The following TLK1 variants were observed in gnomAD, a reference collection of about 807,000 sequenced individuals.
TLK1 encodes the protein serine/threonine-protein kinase tousled-like 1.
In TLK1, 24 loss-of-function variants were observed where a neutral mutation model predicts 105.3. That is an observed-to-expected ratio of 0.23 (90% CI 0.17 to 0.32). The LOEUF (loss-of-function observed/expected upper bound fraction) is 0.32, where lower values mean the gene tolerates loss of function less well. Among genes scored for constraint, TLK1 ranks in the 10% least tolerant of loss-of-function variants. The pLI, the probability that TLK1 is intolerant of heterozygous loss-of-function variation, is 1.00. For synonymous variants in TLK1, 321 were observed against 310.4 expected, an observed-to-expected ratio of 1.03 and a Z score of -0.36; for missense variants, 558 against 910.5, an observed-to-expected ratio of 0.61 and a Z score of 4.98.
chr2:171,214,805 TG>T (rs1014191195), intron 1 of TLK1, among the ~76,000 whole-genome samples: 1 of 152,232 alleles, frequency 6.6e-6, no homozygotes, highest in African/African-American at 2.4e-5. Context: ...TTCTATACTT[TG>T]CTTCAACTCC....
chr2:171,227,079 T>C (rs573582396), intron 1 of TLK1, among the ~76,000 whole-genome samples: 127 of 152,294 alleles, frequency 8.3e-4, no homozygotes, highest in Non-Finnish European at 1.4e-3. Context: ...GCAGGGACTG[T>C]TTGTTTAATG....
chr2:171,010,706 C>T (rs757694038), intron 14 of TLK1, among the ~76,000 whole-genome samples: 2 of 150,258 alleles, frequency 1.3e-5, no homozygotes, highest in East Asian at 1.9e-4. Context: ...ATTTGAGAAA[C>T]GGACTTGACA....
At chr2:171,187,086 AAAAGAAAAAG>A in intron 1 of TLK1, among the ~76,000 whole-genome samples, 1 of 149,840 alleles carries the variant, frequency 6.7e-6, no homozygotes, top group Non-Finnish European at 1.5e-5. Flanking sequence ...AAAAAAAAGA[AAAAGAAAAAG>A]AAAAAGAAAA....
chr2:171,211,102 C>T lies in TLK1; in HGVS notation c.-6+20043G>A, dbSNP rs372200495. Reference sequence around the variant, plus strand: ...TTTGGTTGATTTCTCTGCTTCCTGCCCCATGTTACATTCTTAGATACTAAA... The same window carrying T: ...TTTGGTTGATTTCTCTGCTTCCTGCTCCATGTTACATTCTTAGATACTAAA... On this transcript the variant is annotated intron_variant, in intron 1 of 20. Transcript: ENST00000521943. Among the ~76,000 whole-genome samples the T allele has an allele frequency of 7.9e-5, 12 of 152,242 alleles. No individual in the cohort carries two copies. In the South Asian group the frequency reaches 2.3e-3, roughly 29 times the overall value.
At chr2:171,032,483 T>C (rs1264140274) in intron 11 of TLK1, among the ~76,000 whole-genome samples, 1 of 152,120 alleles carries the variant, frequency 6.6e-6, no homozygotes, top group African/African-American at 2.4e-5. Context: ...AAGGAAGCTA[T>C]TACATTTACA....
At chr2:171,198,427 G>A (rs747745406) in intron 1 of TLK1, among the ~76,000 whole-genome samples, 8 of 152,118 alleles carry the variant, frequency 5.3e-5, no homozygotes, top group African/African-American at 1.2e-4. Context: ...AAATATTTGC[G>A]TCTTATGGAT....
chr2:171,019,913 C>T (rs1034962638), intron 12 of TLK1, among the ~76,000 whole-genome samples: 2 of 151,802 alleles, frequency 1.3e-5, no homozygotes, highest in African/African-American at 4.8e-5. Flanking sequence ...CAAAGATAAG[C>T]CAGACGTGGT....
At chr2:171,205,249 A>G (rs893208500) in intron 1 of TLK1, among the ~76,000 whole-genome samples, 9 of 152,160 alleles carry the variant, frequency 5.9e-5, no homozygotes, top group African/African-American at 1.7e-4. Context: ...TAGGTGTTCC[A>G]TCTATCGTCT....
chr2:171,114,873 G>T (rs1057443836), intron 2 of TLK1, among the ~76,000 whole-genome samples: 3 of 151,798 alleles, frequency 2.0e-5, no homozygotes, highest in Non-Finnish European at 2.9e-5. Context: ...ACTAAAAAAG[G>T]CAAGGAAACT....
At chr2:171,067,828 G>A (rs1411797224) in intron 3 of TLK1, among the ~76,000 whole-genome samples, 1 of 152,066 alleles carries the variant, frequency 6.6e-6, no homozygotes, top group East Asian at 1.9e-4. Context: ...GTGTCCATGT[G>A]TTCTCACTGT....
In TLK1 at chr2:171,193,482, C is replaced by T. The variant is rs1466747233; in HGVS notation, c.-6+37663G>A. Among the ~76,000 whole-genome samples, 9 of 151,558 alleles carry T rather than the reference C, an allele frequency of 5.9e-5. 1 individual carries two copies. In the East Asian group the frequency reaches 1.6e-3, roughly 26 times the overall value. Reference sequence around the variant, plus strand: ...CGCGATCTCGGCTCACTGCAAGCTCCGCCTCCCAGGTTCACGCCATTCTCC... The same window carrying T: ...CGCGATCTCGGCTCACTGCAAGCTCTGCCTCCCAGGTTCACGCCATTCTCC... On this transcript the variant is annotated intron_variant, in intron 1 of 20. Coordinates refer to the TLK1 transcript ENST00000521943.
intron 2 of TLK1, among the ~76,000 whole-genome samples, chr2:171,108,293 C>T (rs1212177330): frequency 6.6e-6 from 1 of 152,062 alleles, no homozygotes; most frequent in Non-Finnish European, 1.5e-5. Flanking sequence ...AACAAACCCA[C>T]AGGAATGCAG....
chr2:171,017,836 G>A (rs1685281905), intron 12 of TLK1, among the ~76,000 whole-genome samples: 1 of 152,122 alleles, frequency 6.6e-6, no homozygotes, highest in Non-Finnish European at 1.5e-5. Context: ...AATGTCAAGG[G>A]AAGAAACTAT....
At chr2:170,994,066 T>C in intron 20 of TLK1, 110 bp from the exon 21 acceptor site, 1 of 1,203,986 alleles carries the variant, frequency 8.3e-7, no homozygotes, top group Non-Finnish European at 1.1e-6. Flanking sequence ...GTAGATCTCA[T>C]TTTATTGGAA....
chr2:171,141,616 T>A (rs1052343427), intron 1 of TLK1, among the ~76,000 whole-genome samples: 3 of 152,094 alleles, frequency 2.0e-5, no homozygotes, highest in African/African-American at 7.2e-5. Context: ...AGACTGATAG[T>A]TGACTTCTCA....
intron 1 of TLK1, among the ~76,000 whole-genome samples, chr2:171,219,683 C>T (rs1203651048): frequency 6.6e-6 from 1 of 151,970 alleles, no homozygotes; most frequent in African/African-American, 2.4e-5. Context: ...TTCCTGCAAC[C>T]TCCATCTCCT....
intron 12 of TLK1, among the ~76,000 whole-genome samples, chr2:171,024,959 G>A (rs1398999953): frequency 7.0e-6 from 1 of 143,164 alleles, no homozygotes; most frequent in African/African-American, 2.5e-5. Context: ...ATACAGTTGA[G>A]AGGAAAAAAA....
intron 1 of TLK1, among the ~76,000 whole-genome samples, chr2:171,130,459 C>A (rs563740900): frequency 6.6e-6 from 1 of 152,164 alleles, no homozygotes; most frequent in South Asian, 2.1e-4. Context: ...ACAGGCAGGA[C>A]ACAGCGTTAA....
intron 1 of TLK1, among the ~76,000 whole-genome samples, chr2:171,171,277 G>A (rs1330311864): frequency 6.6e-6 from 1 of 152,104 alleles, no homozygotes; most frequent in Non-Finnish European, 1.5e-5. Flanking sequence ...AAGGCAGGTG[G>A]AGGGAGGTCA....
Sources: gnomAD v4.1 joint callset for allele counts (sites outside exome capture counted in the v4.1 genomes callset) on GRCh38, gnomAD v4.1.1 for gene constraint, MANE v1.5 for transcripts, NCBI Gene and HGNC (gene_info 2026-07-23, HGNC 2026-07-21) for gene names.